LRRTM4: variants seen among roughly 807,000 people sequenced by gnomAD.
The protein encoded by LRRTM4 is leucine-rich repeat transmembrane neuronal protein 4.
In LRRTM4, 25 loss-of-function variants were observed where a neutral mutation model predicts 47.6. That is an observed-to-expected ratio of 0.53 (90% confidence interval 0.38 to 0.73). The LOEUF (loss-of-function observed/expected upper bound fraction) is 0.73, where lower values mean the gene tolerates loss of function less well. Among genes scored for constraint, LRRTM4 ranks in the 30% least tolerant of loss-of-function variants. LRRTM4 has a pLI of 0.00. For missense variants in LRRTM4, 638 were observed against 713.4 expected, an observed-to-expected ratio of 0.89 and a Z score of 1.20; for synonymous variants, 311 against 269.5, an observed-to-expected ratio of 1.15 and a Z score of -1.51.
intron 3 of LRRTM4, among the ~76,000 whole-genome samples, chr2:76,756,606 T>C (rs149014037): frequency 3.0e-4 from 46 of 152,286 alleles, no homozygotes; most frequent in African/African-American, 9.9e-4. Context: ...TTATTTCTTG[T>C]TCATCTGCCT....
At chr2:77,362,085 C>G (rs1263080854) in intron 3 of LRRTM4, among the ~76,000 whole-genome samples, 1 of 110,170 alleles carries the variant, frequency 9.1e-6, no homozygotes, top group East Asian at 2.5e-4. Flanking sequence ...TAGACTCAGT[C>G]TCAAAAAAGG....
At chr2:77,336,532 G>A (rs761590290) in intron 3 of LRRTM4, among the ~76,000 whole-genome samples, 5 of 152,032 alleles carry the variant, frequency 3.3e-5, no homozygotes, top group Non-Finnish European at 7.4e-5. Flanking sequence ...AATTAAGGGG[G>A]CTTTATTCCT....
chr2:77,150,154 GA>G (rs60408639), intron 3 of LRRTM4, among the ~76,000 whole-genome samples: 10,918 of 150,378 alleles, frequency 0.073, 1,308 homozygotes, highest in African/African-American at 0.25. Flanking sequence ...GTGCAAAACT[GA>G]AAAAAAAATC....
intron 3 of LRRTM4, among the ~76,000 whole-genome samples, chr2:76,956,693 C>T (rs1675686145): frequency 6.7e-6 from 1 of 148,166 alleles, no homozygotes; most frequent in Admixed American, 6.7e-5. Flanking sequence ...AGTTGACAAA[C>T]CTTTAGGAAA....
intron 3 of LRRTM4, among the ~76,000 whole-genome samples, chr2:77,000,064 A>C (rs72823174): frequency 0.14 from 21,341 of 152,142 alleles, 1,609 homozygotes; most frequent in Admixed American, 0.2. Context: ...ATATCACCTA[A>C]GTGAATTTTT....
At chr2:77,464,172 A>T (rs1453183402) in intron 3 of LRRTM4, among the ~76,000 whole-genome samples, 1 of 152,078 alleles carries the variant, frequency 6.6e-6, no homozygotes, top group Non-Finnish European at 1.5e-5. Context: ...AAGGGAAGAG[A>T]GCACATGCCA....
chr2:77,170,027 G>A (rs934678945), intron 3 of LRRTM4, among the ~76,000 whole-genome samples: 1 of 152,154 alleles, frequency 6.6e-6, no homozygotes, highest in Non-Finnish European at 1.5e-5. Flanking sequence ...AATGGGGCAT[G>A]TGTTCAACCA....
intron 3 of LRRTM4, among the ~76,000 whole-genome samples, chr2:76,866,808 G>A (rs927165975): frequency 3.3e-5 from 5 of 152,058 alleles, no homozygotes; most frequent in Admixed American, 6.6e-5. Context: ...ATAAACATAC[G>A]AGTGCATGTG....
Position 77,488,989 on chromosome 2 carries a change from T to TA in LRRTM4, c.1551+29328dup, listed in dbSNP as rs1234832743. 1.7e-4 allele frequency among the ~76,000 whole-genome samples: 7 copies of TA among 40,608 alleles called. No homozygotes were observed. The East Asian group carries it at 5.0e-3, about 29-fold the overall frequency. 26.6% of individuals were successfully genotyped at this position (40,608 alleles called of 152,430 possible). A position where few individuals can be genotyped will look rare whatever the true frequency, so the allele number is the denominator to read the frequency against. Reference sequence around the variant, plus strand: ...CATAGTGCACATGTACCCTAAAACTTAAAGTATAATAATAATAAAAAAAAT... The same window carrying TA: ...CATAGTGCACATGTACCCTAAAACTTAAAAGTATAATAATAATAAAAAAAAT... On this transcript the variant is annotated intron_variant, in intron 3 of 3. Coordinates refer to ENST00000409884, the MANE Select transcript of LRRTM4 (RefSeq NM_001134745.3).
At chr2:76,792,857 C>T (rs952040480) in intron 3 of LRRTM4, among the ~76,000 whole-genome samples, 3 of 152,116 alleles carry the variant, frequency 2.0e-5, no homozygotes, top group Admixed American at 2.0e-4. Flanking sequence ...TAAACTGGAG[C>T]GAGATCACTC....
chr2:76,831,302 A>G (rs376681010), intron 3 of LRRTM4, among the ~76,000 whole-genome samples: 1 of 152,146 alleles, frequency 6.6e-6, no homozygotes, highest in Non-Finnish European at 1.5e-5. Context: ...TGTAAATTTG[A>G]TATTTCTGCT....
At chr2:77,031,706 A>G (rs938250625) in intron 3 of LRRTM4, among the ~76,000 whole-genome samples, 1 of 149,184 alleles carries the variant, frequency 6.7e-6, no homozygotes, top group Non-Finnish European at 1.5e-5. Context: ...GTCAATAATG[A>G]ACACCATGTG....
intron 3 of LRRTM4, among the ~76,000 whole-genome samples, chr2:77,451,139 G>T (rs77030594): frequency 0.022 from 3,393 of 152,024 alleles, 139 homozygotes; most frequent in African/African-American, 0.078. Context: ...AGTCTTATCC[G>T]AAGACTAGTT....
At chr2:77,217,272 A>G (rs1231723194) in intron 3 of LRRTM4, among the ~76,000 whole-genome samples, 2 of 150,598 alleles carry the variant, frequency 1.3e-5, no homozygotes, top group Non-Finnish European at 3.0e-5. Context: ...AGGCAGCAGA[A>G]TTTTGAGGTT....
At chr2:77,119,129 A>T (rs985966708) in intron 3 of LRRTM4, among the ~76,000 whole-genome samples, 3 of 151,840 alleles carry the variant, frequency 2.0e-5, no homozygotes, top group Non-Finnish European at 4.4e-5. Flanking sequence ...ATTTCAATGA[A>T]TCCAACTCAT....
intron 3 of LRRTM4, among the ~76,000 whole-genome samples, chr2:77,424,152 T>C (rs973588166): frequency 5.3e-5 from 8 of 152,166 alleles, no homozygotes; most frequent in African/African-American, 1.9e-4. Flanking sequence ...TGAAATTAAG[T>C]TATCTGGTTT....
At chr2:76,916,533 G>A (rs1173596076) in intron 3 of LRRTM4, among the ~76,000 whole-genome samples, 1 of 152,026 alleles carries the variant, frequency 6.6e-6, no homozygotes, top group African/African-American at 2.4e-5. Context: ...AGGCACTGGT[G>A]TCAAGGGAAA....
intron 3 of LRRTM4, among the ~76,000 whole-genome samples, chr2:77,278,931 A>G (rs1558665705): frequency 1.3e-5 from 2 of 151,926 alleles, no homozygotes; most frequent in African/African-American, 4.8e-5. Context: ...AAACCATGAG[A>G]CTTTACACAT....
chr2:76,902,607 C>A (rs1429984286), intron 3 of LRRTM4, among the ~76,000 whole-genome samples: 1 of 152,130 alleles, frequency 6.6e-6, no homozygotes, highest in Non-Finnish European at 1.5e-5. Context: ...AGACCAGAGG[C>A]TGTAATGGGG....
Sources: gnomAD v4.1 joint callset for allele counts (sites outside exome capture counted in the v4.1 genomes callset) on GRCh38, gnomAD v4.1.1 for gene constraint, MANE v1.5 for transcripts, NCBI Gene and HGNC (gene_info 2026-07-23, HGNC 2026-07-21) for gene names.